Variants in STT3B observed in about 807,000 individuals in gnomAD.
STT3B encodes the protein STT3 oligosaccharyltransferase complex catalytic subunit B, also known as dolichyl-diphosphooligosaccharide--protein glycosyltransferase subunit STT3B.
Under a neutral mutation model 96.8 loss-of-function variants are expected in STT3B, and 29 were observed. The ratio of observed to expected loss-of-function variants is 0.30; its 90% confidence interval spans 0.22 to 0.41. The LOEUF (loss-of-function observed/expected upper bound fraction) is 0.41. Among genes scored for constraint, STT3B ranks in the 10% least tolerant of loss-of-function variants. STT3B has a pLI of 1.00. For synonymous variants in STT3B, 367 were observed against 360.0 expected (o/e 1.02, Z -0.22); for missense variants, 640 against 1,022.3 (o/e 0.63, Z 5.10).
At chr3:31,569,701 A>G (rs958878733) in intron 1 of STT3B, among the ~76,000 whole-genome samples, 3 of 151,878 alleles carry the variant, frequency 2.0e-5, no homozygotes, top group Admixed American at 6.6e-5. Context: ...ATCGTTTTTT[A>G]CTCCTTGATT....
At chr3:31,589,863 C>T (rs957414570) in intron 3 of STT3B, among the ~76,000 whole-genome samples, 1 of 151,816 alleles carries the variant, frequency 6.6e-6, no homozygotes, top group African/African-American at 2.4e-5. Flanking sequence ...TGACTGGAAC[C>T]TCTAACATCA....
Position 31,596,869 on chromosome 3 carries a change from A to T in STT3B, c.777+6A>T. 1 of 1,606,696 alleles carries T rather than the reference A, an allele frequency of 6.2e-7. No individual in the cohort carries two copies. The highest frequency in any genetic ancestry group is 8.5e-7 in the Non-Finnish European group (1 of 1,174,262). ...GCTTATCCTATTTCTATATGGTAAG[A>T]TTTCATATTTGAGACTACATGAAGT... On this transcript the variant is annotated splice_donor_region_variant and intron_variant, in intron 4 of 15. Coordinates refer to ENST00000295770, the MANE Select transcript of STT3B (RefSeq NM_178862.3).
chr3:31,628,907 C>A (rs1699593207), intron 13 of STT3B, among the ~76,000 whole-genome samples: 1 of 152,076 alleles, frequency 6.6e-6, no homozygotes, highest in African/African-American at 2.4e-5. Flanking sequence ...TAGTTCAAGA[C>A]CAGCCTGGAC....
At position 31,571,980 on chromosome 3, in the gene STT3B, T is replaced by C. The variant is rs143902084; in HGVS notation, c.315-4416T>C. 6.9e-3 allele frequency among the ~76,000 whole-genome samples: 1,005 copies of C among 144,632 alleles called. 10 individuals carry two copies. Among genetic ancestry groups the C allele is most frequent in the African/African-American group, 0.023 (927 of 39,658 alleles). 94.9% of individuals were successfully genotyped at this position (144,632 alleles called of 152,430 possible). The stretch of plus-strand genomic sequence containing the variant: ...TATATTAAAATATTAAATATATCAA[T>C]ATTAAATATATTAATACATAATTAT... On this transcript the variant is annotated intron_variant, in intron 1 of 15. Coordinates refer to ENST00000295770, the MANE Select transcript of STT3B (RefSeq NM_178862.3).
At chr3:31,580,184 A>G in intron 3 of STT3B, 88 bp downstream of exon 3, 1 of 1,323,926 alleles carries the variant, frequency 7.6e-7, no homozygotes. Flanking sequence ...TGTCTTTTAC[A>G]AATTATGTAG....
chr3:31,553,943 C>T lies in STT3B; in HGVS notation c.314+20631C>T, dbSNP rs908947987. Among the ~76,000 whole-genome samples, 3 of 144,702 alleles carry T rather than the reference C, an allele frequency of 2.1e-5. No homozygotes were observed. In the East Asian group the frequency reaches 5.8e-4, roughly 28 times the overall value. 94.9% of individuals were successfully genotyped at this position (144,702 alleles called of 152,430 possible). ...TGAATAGTTATTTGAGATCTATAAT[C>T]TATTCATAGATTATATCCATATTTT... On this transcript the variant is annotated intron_variant, in intron 1 of 15. Transcript: ENST00000295770.
intron 3 of STT3B, among the ~76,000 whole-genome samples, chr3:31,587,136 AT>A (rs908559429): frequency 4.6e-4 from 70 of 152,124 alleles, no homozygotes; most frequent in Middle Eastern, 6.8e-3. Context: ...TACCCCATAA[AT>A]TTTTTTATTG....
Position 31,533,402 on chromosome 3 carries a change from C to G in STT3B, c.314+90C>G. The G allele has an allele frequency of 3.9e-6, 5 of 1,296,490 alleles. No individual in the cohort carries two copies. In the South Asian group the frequency reaches 8.4e-5, roughly 22 times the overall value. The allele number at this position is 1,296,490 out of a possible 1,614,324, so 80.3% of individuals were successfully genotyped here. ...CGCCGCAGCTCTCCTCGACTTGGCCCCGCGCCGCCGCGGAGCCCCGCTCGC... is the reference window on the plus strand; with the variant it reads ...CGCCGCAGCTCTCCTCGACTTGGCCGCGCGCCGCCGCGGAGCCCCGCTCGC... On this transcript the variant is annotated intron_variant, in intron 1 of 15. Coordinates refer to ENST00000295770, the MANE Select transcript of STT3B (RefSeq NM_178862.3).
chr3:31,570,718 C>A (rs1312308223), intron 1 of STT3B, among the ~76,000 whole-genome samples: 1 of 152,020 alleles, frequency 6.6e-6, no homozygotes, highest in African/African-American at 2.4e-5. Flanking sequence ...GAAGAGACAT[C>A]TAAGTATGGA....
intron 5 of STT3B, among the ~76,000 whole-genome samples, chr3:31,614,481 G>A (rs754317155): frequency 3.3e-5 from 5 of 151,960 alleles, no homozygotes; most frequent in African/African-American, 4.8e-5. Context: ...AACATACTTA[G>A]TGTGAAAAGA....
intron 3 of STT3B, among the ~76,000 whole-genome samples, chr3:31,595,470 C>T (rs1296263769): frequency 6.6e-6 from 1 of 152,150 alleles, no homozygotes; most frequent in African/African-American, 2.4e-5. Context: ...TCAGTGCCTG[C>T]TTTGACATTT....
At chr3:31,577,175 T>C (rs753965072) in intron 2 of STT3B, among the ~76,000 whole-genome samples, 15 of 152,168 alleles carry the variant, frequency 9.9e-5, no homozygotes, top group Non-Finnish European at 2.1e-4. Flanking sequence ...TGATTACTTC[T>C]AGCATAGGTT....
chr3:31,539,062 C>A (rs1697167749), intron 1 of STT3B, among the ~76,000 whole-genome samples: 1 of 151,966 alleles, frequency 6.6e-6, no homozygotes, highest in South Asian at 2.1e-4. Context: ...TGTAGGCTTG[C>A]CAGGAAATCT....
chr3:31,626,668 G>T (rs556839439), intron 13 of STT3B, among the ~76,000 whole-genome samples: 24 of 152,272 alleles, frequency 1.6e-4, no homozygotes, highest in Non-Finnish European at 2.5e-4. Context: ...TTGAGCACTA[G>T]GTCTAGTTCT....
intron 1 of STT3B, among the ~76,000 whole-genome samples, chr3:31,533,923 G>C (rs1697017510): frequency 6.6e-6 from 1 of 152,196 alleles, no homozygotes. Context: ...AAAGGAGAGT[G>C]AATGGCGTGT....
At chr3:31,546,958 C>G (rs1165701444) in intron 1 of STT3B, among the ~76,000 whole-genome samples, 1 of 152,184 alleles carries the variant, frequency 6.6e-6, no homozygotes, top group Non-Finnish European at 1.5e-5. Flanking sequence ...ATAGCATTTG[C>G]AAAGGTGTAC....
chr3:31,636,277 A>ACTG lies in STT3B; in HGVS notation c.*217_*219dup, dbSNP rs1432302037. The ACTG allele has an allele frequency of 2.5e-6, 1 of 398,184 alleles. No individual in the cohort carries two copies. Among genetic ancestry groups the ACTG allele is most frequent in the Non-Finnish European group, 4.6e-6 (1 of 216,926 alleles). The allele number at this position is 398,184 out of a possible 1,614,324, so 24.7% of individuals were successfully genotyped here. A position where few individuals can be genotyped will look rare whatever the true frequency, so the allele number is the denominator to read the frequency against. ...TTTCTAATGTGAAGCAAGACAGAGC[A>ACTG]CTGCTGTAAATGTCTAGCAGCAGAT... On this transcript the variant is annotated 3_prime_UTR_variant, in exon 16 of 16. Coordinates refer to ENST00000295770, the MANE Select transcript of STT3B (RefSeq NM_178862.3).
chr3:31,560,919 T>A (rs2125444560), intron 1 of STT3B, among the ~76,000 whole-genome samples: 1 of 152,272 alleles, frequency 6.6e-6, no homozygotes, highest in East Asian at 1.9e-4. Context: ...TTGTCTTTTA[T>A]GAAGACTTTG....
chr3:31,625,821 A>C (rs773039020), intron 12 of STT3B, 133 bp from the exon 13 acceptor site: 25 of 756,564 alleles, frequency 3.3e-5, no homozygotes, highest in Non-Finnish European at 5.0e-5. Context: ...AATTCATAGT[A>C]AATCATTTCT....
Sources: allele counts gnomAD v4.1 joint callset (sites outside exome capture counted in the v4.1 genomes callset), GRCh38; gene constraint gnomAD v4.1.1; transcripts MANE v1.5; gene names NCBI Gene and HGNC (gene_info 2026-07-23, HGNC 2026-07-21).